The following SCP2 variants were observed in gnomAD, a reference collection of about 807,000 sequenced individuals.
The protein encoded by SCP2 is SCP-2/3-oxoacyl-CoA thiolase.
A neutral mutation model predicts 71.4 loss-of-function variants in SCP2; 48 were observed. The observed-to-expected ratio is 0.67, with a 90% CI of 0.53 to 0.86. The LOEUF (loss-of-function observed/expected upper bound fraction) is 0.86, where lower values mean the gene tolerates loss of function less well. Ranked by LOEUF, SCP2 falls within the 40% of genes least tolerant of loss-of-function variation. The probability of loss-of-function intolerance (pLI) is 0.00; values close to 1 mark genes in which losing one functional copy is unlikely to be tolerated. For synonymous variants in SCP2, 220 were observed against 218.1 expected (o/e 1.01, Z -0.08); for missense variants, 560 against 655.6 (o/e 0.85, Z 1.59).
Position 52,980,548 on chromosome 1 carries a change from C to T in SCP2, c.973+5C>T. On this transcript the variant is annotated splice_donor_5th_base_variant and intron_variant, in intron 10 of 15. Coordinates refer to ENST00000371514, the MANE Select transcript of SCP2 (RefSeq NM_002979.5). ...CACTGGGACTCTGTCCAGAAGGTAA[C>T]ATCTTTGAATAGGGCAGATTAATTC... is the stretch of plus-strand genomic sequence containing the variant. 2 of 1,612,600 alleles carry T rather than the reference C, an allele frequency of 1.2e-6. No homozygotes were observed. The highest frequency in any genetic ancestry group is 1.7e-6 in the Non-Finnish European group (2 of 1,178,624).
At chr1:52,960,616 A>G (rs1215802578) in intron 5 of SCP2, among the ~76,000 whole-genome samples, 2 of 147,334 alleles carry the variant, frequency 1.4e-5, no homozygotes, top group African/African-American at 2.5e-5. Flanking sequence ...GTATATATGT[A>G]TATATGTATG....
chr1:52,993,971 A>C lies in SCP2; in HGVS notation c.1081+5835A>C. The C allele has an allele frequency of 2.3e-6, 3 of 1,294,200 alleles. No homozygotes were observed. In the South Asian group the frequency reaches 5.0e-5, roughly 22 times the overall value. The allele number at this position is 1,294,200 out of a possible 1,614,324, so 80.2% of individuals were successfully genotyped here. On this transcript the variant is annotated intron_variant, in intron 11 of 15. Transcript: ENST00000371514. Reference sequence around the variant, plus strand: ...TTGCAGTTTTAATAGAAATACAAATACATCAAGTGTCTGTTCTTTAATTTG... The same window carrying C: ...TTGCAGTTTTAATAGAAATACAAATCCATCAAGTGTCTGTTCTTTAATTTG...
intron 13 of SCP2, among the ~76,000 whole-genome samples, chr1:53,038,267 C>T (rs1304935211): frequency 2.3e-5 from 3 of 128,672 alleles, no homozygotes; most frequent in African/African-American, 7.2e-5. Context: ...CACACACACA[C>T]GGAGAAGGGC....
chr1:53,051,534 A>T lies in SCP2; in HGVS notation c.*830A>T, dbSNP rs1038406967. 7 of 152,150 alleles carry T rather than the reference A, an allele frequency of 4.6e-5. No individual in the cohort carries two copies. Among genetic ancestry groups the T allele is most frequent in the Non-Finnish European group, 1.0e-4 (7 of 68,036 alleles). The allele number at this position is 152,150 out of a possible 1,614,324, so 9.4% of individuals were successfully genotyped here. A position where few individuals can be genotyped will look rare whatever the true frequency, so the allele number is the denominator to read the frequency against. On this transcript the variant is annotated 3_prime_UTR_variant, in exon 16 of 16. Transcript: ENST00000371514. ...TTTTCTAATACTAATGTTATTTCTTAAAATTCAGTGAGATATAGGATAAAA... is the reference window on the plus strand; with the variant it reads ...TTTTCTAATACTAATGTTATTTCTTTAAATTCAGTGAGATATAGGATAAAA...
intron 11 of SCP2, chr1:52,995,264 A>G: frequency 2.0e-6 from 1 of 490,926 alleles, no homozygotes; most frequent in East Asian, 5.1e-5. Context: ...GAGCCCTACA[A>G]CATCACCCTC....
intron 10 of SCP2, among the ~76,000 whole-genome samples, chr1:52,981,439 A>T (rs1412594493): frequency 7.0e-6 from 1 of 143,350 alleles, no homozygotes; most frequent in African/African-American, 2.5e-5. Context: ...TTCATTAATA[A>T]TTTTTTTTTT....
At chr1:52,928,034 G>A (rs9887884) in intron 1 of SCP2, among the ~76,000 whole-genome samples, 4,020 of 152,288 alleles carry the variant, frequency 0.026, 184 homozygotes, top group African/African-American at 0.091. Context: ...CTCCCCGGAC[G>A]CAGTTGTCTG....
At chr1:52,950,076 A>T (rs1272787048) in intron 3 of SCP2, among the ~76,000 whole-genome samples, 1 of 152,130 alleles carries the variant, frequency 6.6e-6, no homozygotes, top group African/African-American at 2.4e-5. Flanking sequence ...AAAGTAAATC[A>T]TGGCCTTTAA....
intron 1 of SCP2, 89 bp downstream of exon 1, chr1:52,927,554 A>C: frequency 1.0e-6 from 1 of 978,612 alleles, no homozygotes; most frequent in Non-Finnish European, 1.6e-6. Context: ...CCTAGCTTCG[A>C]CTGCTCCGCG....
intron 4 of SCP2, among the ~76,000 whole-genome samples, chr1:52,953,555 A>G (rs1484886835): frequency 2.0e-5 from 3 of 152,120 alleles, no homozygotes; most frequent in Admixed American, 6.5e-5. Flanking sequence ...CATGTTGCCC[A>G]GACTGGTCTT....
Position 52,927,420 on chromosome 1 carries a change from T to C in SCP2, c.24T>C (p.Pro8=), listed in dbSNP as rs1345421446. The change falls in exon 1 of 16, where the codon CCT becomes CCC. Residue 8 remains proline (P), a synonymous_variant. Transcript: ENST00000371514. Reference sequence around the variant, plus strand: ...CCATGTCCTCTTCCCCGTGGGAGCCTGCGACCCTGCGCCGGGTGTTCGTGG... The same window carrying C: ...CCATGTCCTCTTCCCCGTGGGAGCCCGCGACCCTGCGCCGGGTGTTCGTGG... MSSSPWE[P]ATLRRVFVVG... is the part of the protein sequence containing the mutation. The C allele has an allele frequency of 1.6e-5, 26 of 1,600,296 alleles. No homozygotes were observed. In the Admixed American group the frequency reaches 4.5e-4, roughly 28 times the overall value.
rs772389056 is a variant in SCP2 at position 52,927,480 on chromosome 1, G to T, written c.69+15G>T. The T allele has an allele frequency of 4.4e-6, 7 of 1,579,304 alleles. No homozygotes were observed. The highest frequency in any genetic ancestry group is 1.8e-5 in the Admixed American group (1 of 54,824). ...GCATGACCAAGGTAAACCGAGCAGC[G>T]GCCCTGCTGGCCCTCTGAGGCTCGG... is the stretch of plus-strand genomic sequence containing the variant. On this transcript the variant is annotated intron_variant, in intron 1 of 15. Transcript: ENST00000371514.
Position 52,980,335 on chromosome 1 carries a change from A to G in SCP2, c.826-61A>G, listed in dbSNP as rs1658371269. The G allele has an allele frequency of 9.4e-6, 14 of 1,491,604 alleles. No individual in the cohort carries two copies. The South Asian group carries it at 1.7e-4, about 18-fold the overall frequency. The allele number at this position is 1,491,604 out of a possible 1,614,324, so 92.4% of individuals were successfully genotyped here. On this transcript the variant is annotated intron_variant, in intron 9 of 15. Transcript: ENST00000371514. ...AGGTTATGCATCTATTAATCTCTTAAAATACTTGTTTAAAAGGCCCAGTTT... is the reference window on the plus strand; with the variant it reads ...AGGTTATGCATCTATTAATCTCTTAGAATACTTGTTTAAAAGGCCCAGTTT...
intron 11 of SCP2, among the ~76,000 whole-genome samples, chr1:52,990,482 T>C (rs1171896246): frequency 6.6e-6 from 1 of 151,966 alleles, no homozygotes; most frequent in African/African-American, 2.4e-5. Context: ...AGAATATTAA[T>C]AAATAGAAAT....
chr1:53,006,207 A>C (rs1660628986), intron 11 of SCP2, among the ~76,000 whole-genome samples: 1 of 152,248 alleles, frequency 6.6e-6, no homozygotes, highest in Non-Finnish European at 1.5e-5. Context: ...AACACTCTTC[A>C]GGATATTATC....
intron 11 of SCP2, among the ~76,000 whole-genome samples, chr1:53,011,147 A>T (rs1166302569): frequency 1.3e-5 from 2 of 152,238 alleles, no homozygotes; most frequent in African/African-American, 4.8e-5. Context: ...TTCCTCAAAA[A>T]TTCAGGCTCT....
chr1:53,030,618 AC>A (rs1177405054), intron 13 of SCP2, among the ~76,000 whole-genome samples: 3 of 152,170 alleles, frequency 2.0e-5, no homozygotes, highest in Admixed American at 6.5e-5. Flanking sequence ...TGGGCTGGGC[AC>A]AGTGGCACAC....
At chr1:53,018,499 T>C (rs936300353) in intron 12 of SCP2, among the ~76,000 whole-genome samples, 1 of 152,184 alleles carries the variant, frequency 6.6e-6, no homozygotes, top group African/African-American at 2.4e-5. Flanking sequence ...CCCAGCACTT[T>C]GGGAGGCTGA....
intron 13 of SCP2, among the ~76,000 whole-genome samples, chr1:53,028,860 T>C (rs945741218): frequency 6.6e-6 from 1 of 152,000 alleles, no homozygotes; most frequent in Non-Finnish European, 1.5e-5. Flanking sequence ...ACTGCAACCT[T>C]CACCTCCCGG....
Sources: allele counts gnomAD v4.1 joint callset (sites outside exome capture counted in the v4.1 genomes callset), GRCh38; gene constraint gnomAD v4.1.1; transcripts MANE v1.5; gene names NCBI Gene and HGNC (gene_info 2026-07-23, HGNC 2026-07-21).